Variants in LGALSL observed in about 807,000 individuals in gnomAD.
LGALSL encodes the protein galectin like, also known as galectin-related protein.
Under a neutral mutation model 19.5 loss-of-function variants are expected in LGALSL, and 13 were observed. The observed-to-expected ratio is 0.67, with a 90% CI of 0.43 to 1.06. The LOEUF (loss-of-function observed/expected upper bound fraction) is 1.06. Among genes scored for constraint, LGALSL ranks in the 50% least tolerant of loss-of-function variants. The pLI is 0.00. For missense variants in LGALSL, 189 were observed against 219.3 expected, an observed-to-expected ratio of 0.86 and a Z score of 0.87; for synonymous variants, 86 against 78.3, an observed-to-expected ratio of 1.10 and a Z score of -0.52.
chr2:64,458,298 G>A lies in LGALSL; in HGVS notation c.389G>A (p.Cys130Tyr). ...TGTTTCTTCCAGGTGGAAATTCTTT[G>A]TGAGCACCCACGTTTCCGAGTGTTT... Reference protein sequence around the residue: ...PDQPFRVEILCEHPRFRVFVD... With the variant: ...PDQPFRVEILYEHPRFRVFVD... Residue 130 changes from cysteine (C) to tyrosine (Y), a missense_variant, in exon 5 of 5, where the codon TGT becomes TAT. This residue lies in a region of LGALSL where 106 missense variants were observed against 119.3 expected (regional missense o/e 0.89). Coordinates refer to ENST00000238875, the MANE Select transcript of LGALSL (RefSeq NM_014181.3). 1 of 1,613,696 alleles carries A rather than the reference G, an allele frequency of 6.2e-7. No homozygotes were observed.
At chr2:64,456,132 G>A (rs1686732132) in intron 3 of LGALSL, 156 bp from the exon 4 acceptor site, 3 of 593,444 alleles carry the variant, frequency 5.1e-6, no homozygotes, top group Admixed American at 3.7e-5. Context: ...AAATAAGCTG[G>A]TTTGACTTAC....
Position 64,454,730 on chromosome 2 carries a change from C to T in LGALSL, c.36+149C>T. 4.5e-6 allele frequency: 2 copies of T among 445,544 alleles called. No individual in the cohort carries two copies. The highest frequency in any genetic ancestry group is 7.1e-6 in the Non-Finnish European group (2 of 283,660). The allele number at this position is 445,544 out of a possible 1,614,324, so 27.6% of individuals were successfully genotyped here. On this transcript the variant is annotated intron_variant, in intron 1 of 4. Transcript: ENST00000238875. The surrounding 1 kb of genome is among the most constrained non-coding windows in gnomAD (Gnocchi z 5.1). ...GGCGCCCGGTACCTGTTAGCAGCCG[C>T]TGGCTGCGCGCGGCCGGTGTTAGGG...
chr2:64,458,661 A>C lies in LGALSL; in HGVS notation c.*233A>C. On this transcript the variant is annotated 3_prime_UTR_variant, in exon 5 of 5. Coordinates refer to ENST00000238875, the MANE Select transcript of LGALSL (RefSeq NM_014181.3). ...CTGGATTTTATTCAGACCAAACTAA[A>C]ATGGATTTGTGATGATTTGTGATTT... 1 of 375,982 alleles carries C rather than the reference A, an allele frequency of 2.7e-6. No individual in the cohort carries two copies. Among genetic ancestry groups the C allele is most frequent in the East Asian group, 4.1e-5 (1 of 24,544 alleles). 23.3% of individuals were successfully genotyped at this position (375,982 alleles called of 1,614,324 possible).
chr2:64,455,002 C>T (rs1392010212), intron 1 of LGALSL, among the ~76,000 whole-genome samples: 1 of 152,160 alleles, frequency 6.6e-6, no homozygotes, highest in African/African-American at 2.4e-5. Context: ...TCAGTCACGT[C>T]CCGAAGGACA....
intron 4 of LGALSL, 25 bp downstream of exon 4, chr2:64,456,490 C>T: frequency 6.6e-7 from 1 of 1,509,966 alleles, no homozygotes. Flanking sequence ...TGCCTCGGCT[C>T]CAGCCACTGG....
At position 64,461,348 on chromosome 2, in the gene LGALSL, A is replaced by C. The variant is rs1264127456; in HGVS notation, c.*2920A>C. 1.3e-5 allele frequency: 2 copies of C among 152,226 alleles called. No homozygotes were observed. The highest frequency in any genetic ancestry group is 2.9e-5 in the Non-Finnish European group (2 of 68,028). The allele number at this position is 152,226 out of a possible 1,614,324, so 9.4% of individuals were successfully genotyped here. A position where few individuals can be genotyped will look rare whatever the true frequency, so the allele number is the denominator to read the frequency against. On this transcript the variant is annotated 3_prime_UTR_variant, in exon 5 of 5. Coordinates refer to ENST00000238875, the MANE Select transcript of LGALSL (RefSeq NM_014181.3). ...GTTACATTATGTCACTGCTGAAAGT[A>C]ATTTGCACTATAATAAAGGAATTTT...
At position 64,460,144 on chromosome 2, in the gene LGALSL, A is replaced by T. The variant is rs917471573; in HGVS notation, c.*1716A>T. Reference sequence around the variant, plus strand: ...TAAAATTATGAATTTTTTATAGGTGATACATTTGGATTCTTCTCAACTTTG... The same window carrying T: ...TAAAATTATGAATTTTTTATAGGTGTTACATTTGGATTCTTCTCAACTTTG... On this transcript the variant is annotated 3_prime_UTR_variant, in exon 5 of 5. Coordinates refer to ENST00000238875, the MANE Select transcript of LGALSL (RefSeq NM_014181.3). 4 of 151,978 alleles carry T rather than the reference A, an allele frequency of 2.6e-5. No homozygotes were observed. Among genetic ancestry groups the T allele is most frequent in the African/African-American group, 9.7e-5 (4 of 41,354 alleles). The allele number at this position is 151,978 out of a possible 1,614,324, so 9.4% of individuals were successfully genotyped here.
rs2103711463 is a variant in LGALSL, at chr2:64,459,608, A to T, written c.*1180A>T. On this transcript the variant is annotated 3_prime_UTR_variant, in exon 5 of 5. Coordinates refer to ENST00000238875, the MANE Select transcript of LGALSL (RefSeq NM_014181.3). ...TTCCTACTGTGTTGGCTCTGAGGAG[A>T]TAGTAGGATTAGATAGGATCCAGAT... The T allele has an allele frequency of 6.6e-6, 1 of 152,156 alleles. No individual in the cohort carries two copies. The highest frequency in any genetic ancestry group is 2.1e-4 in the South Asian group (1 of 4,830). The allele number at this position is 152,156 out of a possible 1,614,324, so 9.4% of individuals were successfully genotyped here.
In LGALSL at chr2:64,456,300, C is replaced by T; in HGVS notation, c.210C>T (p.Ser70=). The change falls in exon 4 of 5, where the codon AGC becomes AGT. Residue 70 remains serine (S), a synonymous_variant. Coordinates refer to ENST00000238875, the MANE Select transcript of LGALSL (RefSeq NM_014181.3). ...VDLNPESFAI[S]LTCGDSEDPP... is the part of the protein sequence containing the mutation. ...ATTTTCTTTTCAGCTTTGCAATCAG[C>T]TTGACCTGTGGGGACTCAGAAGACC... 2 of 1,611,880 alleles carry T rather than the reference C, an allele frequency of 1.2e-6. No homozygotes were observed. Among genetic ancestry groups the T allele is most frequent in the South Asian group, 2.2e-5 (2 of 90,668 alleles).
At position 64,459,922 on chromosome 2, in the gene LGALSL, G is replaced by A. The variant is rs1383252606; in HGVS notation, c.*1494G>A. 6.6e-6 allele frequency: 1 copy of A among 152,138 alleles called. No individual in the cohort carries two copies. The highest frequency in any genetic ancestry group is 1.5e-5 in the Non-Finnish European group (1 of 68,022). The allele number at this position is 152,138 out of a possible 1,614,324, so 9.4% of individuals were successfully genotyped here. On this transcript the variant is annotated 3_prime_UTR_variant, in exon 5 of 5. Transcript: ENST00000238875. ...TAGTGAGGGAAGACAGGGTTCTGGG[G>A]TGGGGGTGTATTTATATATAATTTA...
intron 4 of LGALSL, among the ~76,000 whole-genome samples, chr2:64,457,175 C>A (rs529046752): frequency 1.3e-5 from 2 of 152,246 alleles, no homozygotes; most frequent in South Asian, 4.1e-4. Context: ...CCTATAATCC[C>A]ACCACTTTGG....
intron 4 of LGALSL, 69 bp from the exon 5 acceptor site, chr2:64,458,216 A>C (rs1309761111): frequency 1.4e-6 from 2 of 1,425,200 alleles, no homozygotes; most frequent in African/African-American, 1.4e-5. Context: ...CTTTCTCTAA[A>C]ATGAAGTATT....
chr2:64,460,657 A>C lies in LGALSL; in HGVS notation c.*2229A>C, dbSNP rs904913074. Reference sequence around the variant, plus strand: ...TAGTGGGAACCGCTTGGATAAGCCTATTGGGATTAATCTAAATGATGTGAT... The same window carrying C: ...TAGTGGGAACCGCTTGGATAAGCCTCTTGGGATTAATCTAAATGATGTGAT... On this transcript the variant is annotated 3_prime_UTR_variant, in exon 5 of 5. Coordinates refer to ENST00000238875, the MANE Select transcript of LGALSL (RefSeq NM_014181.3). 6.6e-6 allele frequency: 1 copy of C among 152,216 alleles called. No individual in the cohort carries two copies. Among genetic ancestry groups the C allele is most frequent in the Non-Finnish European group, 1.5e-5 (1 of 68,038 alleles). 9.4% of individuals were successfully genotyped at this position (152,216 alleles called of 1,614,324 possible).
Position 64,456,279 on chromosome 2 carries a change from T to A in LGALSL, c.198-9T>A. The A allele has an allele frequency of 6.2e-7, 1 of 1,609,358 alleles. No individual in the cohort carries two copies. The highest frequency in any genetic ancestry group is 1.1e-5 in the South Asian group (1 of 90,058). ...CAACCCTTAATCAGTGGGATGATTT[T>A]CTTTTCAGCTTTGCAATCAGCTTGA... is the stretch of plus-strand genomic sequence containing the variant. On this transcript the variant is annotated splice_polypyrimidine_tract_variant and intron_variant, in intron 3 of 4. Transcript: ENST00000238875.
At position 64,456,330 on chromosome 2, in the gene LGALSL, T is replaced by C; in HGVS notation, c.240T>C (p.Pro80=). The change falls in exon 4 of 5, where the codon CCT becomes CCC. Residue 80 remains proline (P), a synonymous_variant. Coordinates refer to ENST00000238875, the MANE Select transcript of LGALSL (RefSeq NM_014181.3). ...SLTCGDSEDP[P]ADVAIELKAV... The stretch of plus-strand genomic sequence containing the variant: ...CCTGTGGGGACTCAGAAGACCCTCC[T>C]GCCGATGTGGCAATCGAACTCAAAG... The C allele has an allele frequency of 6.2e-7, 1 of 1,612,646 alleles. No individual in the cohort carries two copies. Among genetic ancestry groups the C allele is most frequent in the Non-Finnish European group, 8.5e-7 (1 of 1,179,450 alleles).
chr2:64,454,652 A>G lies in LGALSL; in HGVS notation c.36+71A>G. The G allele has an allele frequency of 9.0e-7, 1 of 1,113,508 alleles. No homozygotes were observed. The allele number at this position is 1,113,508 out of a possible 1,614,324, so 69.0% of individuals were successfully genotyped here. ...GCACTCCGCCGCCGCCTGCTCCAGC[A>G]GTGCTGGGGTGCTGAGCAGCCGCAG... On this transcript the variant is annotated intron_variant, in intron 1 of 4. Coordinates refer to ENST00000238875, the MANE Select transcript of LGALSL (RefSeq NM_014181.3). This position sits in a 1 kb window ranked among gnomAD's most constrained non-coding sequence, Gnocchi z 5.1.
At chr2:64,456,589 A>G (rs926994990) in intron 4 of LGALSL, 124 bp downstream of exon 4, 2 of 713,684 alleles carry the variant, frequency 2.8e-6, no homozygotes, top group Admixed American at 3.0e-5. Flanking sequence ...TTGTCACCCA[A>G]TGGTGAAAAA....
At chr2:64,456,783 T>C (rs1210842517) in intron 4 of LGALSL, among the ~76,000 whole-genome samples, 1 of 152,250 alleles carries the variant, frequency 6.6e-6, no homozygotes, top group Non-Finnish European at 1.5e-5. Flanking sequence ...TCTGATTGAT[T>C]AATCAATACT....
In LGALSL at chr2:64,456,529, G is replaced by A. The variant is rs1240922819; in HGVS notation, c.375+64G>A. 9 of 1,348,926 alleles carry A rather than the reference G, an allele frequency of 6.7e-6. No individual in the cohort carries two copies. In the African/African-American group the frequency reaches 1.1e-4, roughly 16 times the overall value. The allele number at this position is 1,348,926 out of a possible 1,614,324, so 83.6% of individuals were successfully genotyped here. A position where few individuals can be genotyped will look rare whatever the true frequency, so the allele number is the denominator to read the frequency against. On this transcript the variant is annotated intron_variant, in intron 4 of 4. Coordinates refer to ENST00000238875, the MANE Select transcript of LGALSL (RefSeq NM_014181.3). ...GCTGATAATGTTCGACTTACCTAGT[G>A]TGTGCCAAGAACACTTGAAGCAGCC... is the stretch of plus-strand genomic sequence containing the variant.
Sources: allele counts gnomAD v4.1 joint callset (sites outside exome capture counted in the v4.1 genomes callset), GRCh38; gene constraint gnomAD v4.1.1; regional missense constraint gnomAD v4.1.1; non-coding constraint Gnocchi (gnomAD v3.1); transcripts MANE v1.5; gene names NCBI Gene and HGNC (gene_info 2026-07-23, HGNC 2026-07-21).